Variants in MRPL1 observed in about 807,000 individuals in gnomAD.
The protein encoded by MRPL1 is mitochondrial ribosomal protein L1.
MRPL1 carries 28 observed loss-of-function variants against 38.0 expected under a neutral mutation model. The observed-to-expected ratio is 0.74, with a 90% CI of 0.55 to 1.01. MRPL1 has a LOEUF of 1.01. MRPL1 is among the 50% of genes least tolerant of loss of function. The probability of loss-of-function intolerance (pLI) is 0.00; values close to 1 mark genes in which losing one functional copy is unlikely to be tolerated. For missense variants in MRPL1, 358 were observed against 389.8 expected (o/e 0.92, Z 0.69); for synonymous variants, 123 against 126.7 (o/e 0.97, Z 0.20).
intron 1 of MRPL1, among the ~76,000 whole-genome samples, chr4:77,863,371 G>A (rs903589317): frequency 2.6e-5 from 4 of 151,722 alleles, no homozygotes; most frequent in African/African-American, 9.7e-5. Context: ...ATTTGAGGGG[G>A]CTAATTCTGT....
intron 1 of MRPL1, among the ~76,000 whole-genome samples, chr4:77,870,463 T>C (rs140755960): frequency 1.0e-3 from 157 of 152,364 alleles, no homozygotes; most frequent in African/African-American, 2.9e-3. Flanking sequence ...AAGTGATCTC[T>C]CAAATGTATG....
intron 6 of MRPL1, among the ~76,000 whole-genome samples, chr4:77,895,812 A>G (rs552650034): frequency 6.6e-6 from 1 of 152,238 alleles, no homozygotes; most frequent in Admixed American, 6.5e-5. Context: ...GGCACTTTTT[A>G]TTAGGGATTT....
Position 77,906,794 on chromosome 4 carries a change from GT to G in MRPL1, c.671-2466del, listed in dbSNP as rs1353940849. On this transcript the variant is annotated intron_variant, in intron 6 of 8. Coordinates refer to ENST00000315567, the MANE Select transcript of MRPL1 (RefSeq NM_020236.4). ...ATGTAGATGGTTTAACCAGGTATCT[GT>G]TTTTTGTATACCACTATTAGCATCT... Among the ~76,000 whole-genome samples the G allele has an allele frequency of 1.7e-4, 26 of 152,212 alleles. No individual in the cohort carries two copies. The East Asian group carries it at 1.9e-3, about 11-fold the overall frequency.
At chr4:77,875,523 A>G (rs1735369765) in intron 2 of MRPL1, among the ~76,000 whole-genome samples, 1 of 152,024 alleles carries the variant, frequency 6.6e-6, no homozygotes, top group African/African-American at 2.4e-5. Flanking sequence ...TTGGTGGTGC[A>G]TGCCTGTAAT....
chr4:77,917,567 A>T (rs571289367), intron 7 of MRPL1, among the ~76,000 whole-genome samples: 29 of 149,920 alleles, frequency 1.9e-4, no homozygotes, highest in Admixed American at 6.6e-4. Flanking sequence ...ATCTAAGCAT[A>T]AAAAAAAACA....
rs372946319 is a variant in MRPL1 at position 77,885,330 on chromosome 4, A to G, written c.477A>G (p.Val159=). ...PFASEINKVA[V]FTENASEVKI... is the part of the protein sequence containing the mutation. ...CTTCCGAAATCAATAAAGTTGCTGT[A>G]TTTACAGAGGTGAGTAACTTCCGTC... The change falls in exon 4 of 9, where the codon GTA becomes GTG. Residue 159 remains valine (V), a synonymous_variant. Transcript: ENST00000315567. The G allele has an allele frequency of 1.4e-5, 22 of 1,611,606 alleles. No homozygotes were observed. The highest frequency in any genetic ancestry group is 1.7e-5 in the Non-Finnish European group (20 of 1,177,838).
At chr4:77,908,846 C>A (rs1736222316) in intron 6 of MRPL1, among the ~76,000 whole-genome samples, 1 of 152,196 alleles carries the variant, frequency 6.6e-6, no homozygotes. Context: ...CAGACTTACA[C>A]AGTTGGCAGA....
chr4:77,867,512 G>A lies in MRPL1; in HGVS notation c.32-4232G>A. ...GATGCTTACCATCTATTGAGGAGCA[G>A]GAATTAATTGGATAATTCTTTTCTT... On this transcript the variant is annotated intron_variant, in intron 1 of 8. Coordinates refer to ENST00000315567, the MANE Select transcript of MRPL1 (RefSeq NM_020236.4). Among the ~76,000 whole-genome samples, 2 of 151,978 alleles carry A rather than the reference G, an allele frequency of 1.3e-5. 1 individual carries two copies. The highest frequency in any genetic ancestry group is 2.9e-5 in the Non-Finnish European group (2 of 68,014).
chr4:77,951,306 A>G (rs1312369160), intron 8 of MRPL1, among the ~76,000 whole-genome samples: 1 of 152,268 alleles, frequency 6.6e-6, no homozygotes, highest in East Asian at 1.9e-4. Flanking sequence ...TATTTATAAC[A>G]TTTCCATCAA....
At chr4:77,926,856 G>T (rs1050957187) in intron 7 of MRPL1, among the ~76,000 whole-genome samples, 2 of 152,056 alleles carry the variant, frequency 1.3e-5, no homozygotes, top group South Asian at 2.1e-4. Flanking sequence ...TGATCCACCT[G>T]CCTTGGCCTC....
chr4:77,889,807 G>C (rs7675586), intron 5 of MRPL1, among the ~76,000 whole-genome samples: 32,184 of 151,960 alleles, frequency 0.21, 4,127 homozygotes, highest in African/African-American at 0.35. Context: ...TATCACCACC[G>C]ATCCCACAGA....
Position 77,902,679 on chromosome 4 carries a change from T to A in MRPL1, c.671-6587T>A, listed in dbSNP as rs1436907546. ...TTATTAATATCAGGAATGAAAGCGG[T>A]GACATGAATACATATCCCATAAATT... On this transcript the variant is annotated intron_variant, in intron 6 of 8. Transcript: ENST00000315567. 5.3e-5 allele frequency among the ~76,000 whole-genome samples: 8 copies of A among 151,600 alleles called. No individual in the cohort carries two copies. In the East Asian group the frequency reaches 1.5e-3, roughly 29 times the overall value.
At chr4:77,900,499 C>G (rs79864244) in intron 6 of MRPL1, among the ~76,000 whole-genome samples, 10,705 of 152,168 alleles carry the variant, frequency 0.07, 590 homozygotes, top group African/African-American at 0.15. Flanking sequence ...CATGAATAGG[C>G]ATTTGCTTTC....
chr4:77,863,062 T>C (rs1030948734), intron 1 of MRPL1, 183 bp downstream of exon 1: 5 of 680,664 alleles, frequency 7.3e-6, no homozygotes, highest in Non-Finnish European at 1.2e-5. Context: ...TTCACTCCAT[T>C]CTGGAGACGT....
Position 77,862,879 on chromosome 4 carries a change from G to A in MRPL1, c.31G>A (p.Ala11Thr), listed in dbSNP as rs769124011. The A allele has an allele frequency of 1.2e-6, 2 of 1,614,018 alleles. No individual in the cohort carries two copies. The highest frequency in any genetic ancestry group is 1.1e-5 in the South Asian group (1 of 91,080). MAAAVRCMGR[A>T]LIHHQRHSLS... is the part of the protein sequence containing the mutation. ...GGCGGCCGTAAGGTGCATGGGTAGA[G>A]GTAAGGCGAGGGGTTGTCTTGCAGG... The change falls in exon 1 of 9, where the codon GCC (alanine) becomes ACC (threonine). Residue 11 changes from alanine (A) to threonine (T), a missense_variant and splice_region_variant. Transcript: ENST00000315567.
At chr4:77,872,440 G>T (rs1735302840) in intron 2 of MRPL1, among the ~76,000 whole-genome samples, 1 of 152,010 alleles carries the variant, frequency 6.6e-6, no homozygotes, top group Admixed American at 6.6e-5. Flanking sequence ...GTATAAATTT[G>T]TATTATTTTG....
At chr4:77,898,461 T>C (rs1430227236) in intron 6 of MRPL1, among the ~76,000 whole-genome samples, 1 of 152,102 alleles carries the variant, frequency 6.6e-6, no homozygotes, top group Non-Finnish European at 1.5e-5. Context: ...GTAGAAGATA[T>C]AAAATTAAAC....
intron 7 of MRPL1, among the ~76,000 whole-genome samples, chr4:77,937,866 C>T (rs1181836653): frequency 6.6e-6 from 1 of 151,986 alleles, no homozygotes; most frequent in Admixed American, 6.6e-5. Context: ...TTTTAAATGA[C>T]AATGCATTTC....
chr4:77,942,403 T>A (rs1441024947), intron 7 of MRPL1, among the ~76,000 whole-genome samples: 2 of 152,174 alleles, frequency 1.3e-5, no homozygotes, highest in East Asian at 3.9e-4. Context: ...ATATTTTAAA[T>A]CCATTGTTTC....
Sources: allele counts gnomAD v4.1 joint callset (sites outside exome capture counted in the v4.1 genomes callset), GRCh38; gene constraint gnomAD v4.1.1; transcripts MANE v1.5; gene names NCBI Gene and HGNC (gene_info 2026-07-23, HGNC 2026-07-21).